ATP8A2: variants seen among roughly 807,000 people sequenced by gnomAD.
ATP8A2 encodes ATPase phospholipid transporting 8A2, also known as phospholipid-transporting ATPase IB.
Under a neutral mutation model 165.6 loss-of-function variants are expected in ATP8A2, and 100 were observed. That is an observed-to-expected ratio of 0.60 (90% CI 0.51 to 0.71). The LOEUF (loss-of-function observed/expected upper bound fraction) is 0.71, where lower values mean the gene tolerates loss of function less well. Among genes scored for constraint, ATP8A2 ranks in the 30% least tolerant of loss-of-function variants. ATP8A2 has a pLI of 0.00. For synonymous variants in ATP8A2, 543 were observed against 548.8 expected (o/e 0.99, Z 0.15); for missense variants, 1,227 against 1,479.5 (o/e 0.83, Z 2.80).
intron 35 of ATP8A2, among the ~76,000 whole-genome samples, chr13:25,991,248 C>T (rs889263268): frequency 2.6e-5 from 4 of 152,210 alleles, no homozygotes; most frequent in Non-Finnish European, 4.4e-5. Flanking sequence ...AAGAGACAGA[C>T]TGACTTTTTT....
intron 1 of ATP8A2, among the ~76,000 whole-genome samples, chr13:25,408,723 ATAGT>A (rs2033882083): frequency 6.6e-6 from 1 of 152,192 alleles, no homozygotes; most frequent in Non-Finnish European, 1.5e-5. Flanking sequence ...AAGACTGTTT[ATAGT>A]TAGAGACTCC....
intron 1 of ATP8A2, among the ~76,000 whole-genome samples, chr13:25,419,840 A>G (rs1333298063): frequency 2.0e-5 from 3 of 152,218 alleles, no homozygotes; most frequent in Non-Finnish European, 1.5e-5. Context: ...TCATTACTCT[A>G]GGTGGTCAGG....
At chr13:25,444,163 A>T (rs1014711394) in intron 1 of ATP8A2, among the ~76,000 whole-genome samples, 1 of 152,146 alleles carries the variant, frequency 6.6e-6, no homozygotes, top group African/African-American at 2.4e-5. Flanking sequence ...TTGCCTTTGA[A>T]TGTCATATAA....
At chr13:25,602,509 A>G (rs758601757) in intron 24 of ATP8A2, among the ~76,000 whole-genome samples, 2 of 152,186 alleles carry the variant, frequency 1.3e-5, no homozygotes. Context: ...TTTTACTCCC[A>G]AAGTGCCTTG....
chr13:25,414,490 C>A (rs1451472704), intron 1 of ATP8A2, among the ~76,000 whole-genome samples: 1 of 152,172 alleles, frequency 6.6e-6, no homozygotes, highest in African/African-American at 2.4e-5. Flanking sequence ...CCGTGCCCAG[C>A]TGGGCTGTGT....
intron 27 of ATP8A2, among the ~76,000 whole-genome samples, chr13:25,795,220 G>C (rs1373093043): frequency 6.6e-6 from 1 of 152,096 alleles, no homozygotes; most frequent in Non-Finnish European, 1.5e-5. Flanking sequence ...AAATGTGCTG[G>C]GGCAGGGAGG....
At chr13:25,407,394 G>A (rs2033835783) in intron 1 of ATP8A2, among the ~76,000 whole-genome samples, 1 of 152,172 alleles carries the variant, frequency 6.6e-6, no homozygotes, top group South Asian at 2.1e-4. Context: ...AGACAAGGAA[G>A]CAATTTTAAA....
rs369292801 is a variant in ATP8A2, at chr13:25,435,934, T to TGA, written c.77-33042_77-33041insAG. ...CATCGTGTGTGTGTGTGTGTGTGAG[T>TGA]GTGTGTGTGTGTGTGTGAGTGTGTG... On this transcript the variant is annotated intron_variant, in intron 1 of 36. Transcript: ENST00000381655. Among the ~76,000 whole-genome samples the TGA allele has an allele frequency of 7.5e-3, 136 of 18,226 alleles. 1 individual carries two copies. The highest frequency in any genetic ancestry group is 0.01 in the African/African-American group (124 of 12,364). 12.0% of individuals were successfully genotyped at this position (18,226 alleles called of 152,430 possible).
chr13:25,470,746 A>G (rs962241264), intron 2 of ATP8A2, among the ~76,000 whole-genome samples: 2 of 152,236 alleles, frequency 1.3e-5, no homozygotes, highest in African/African-American at 4.8e-5. Context: ...AAATAAGATG[A>G]AGTATATCCA....
intron 26 of ATP8A2, among the ~76,000 whole-genome samples, chr13:25,774,066 C>T (rs2044685682): frequency 1.3e-5 from 2 of 152,178 alleles, no homozygotes; most frequent in Admixed American, 6.5e-5. Flanking sequence ...CTGACTTCCA[C>T]TGTACTTTTC....
intron 1 of ATP8A2, among the ~76,000 whole-genome samples, chr13:25,412,743 C>T (rs2034006014): frequency 6.6e-6 from 1 of 152,182 alleles, no homozygotes; most frequent in Non-Finnish European, 1.5e-5. Flanking sequence ...CAACTGGTCA[C>T]CCACCAGCCT....
chr13:25,791,859 A>G (rs1169449486), intron 27 of ATP8A2, among the ~76,000 whole-genome samples: 1 of 152,146 alleles, frequency 6.6e-6, no homozygotes, highest in African/African-American at 2.4e-5. Context: ...TGCTGAGTAT[A>G]TTTTCAATCT....
intron 25 of ATP8A2, among the ~76,000 whole-genome samples, chr13:25,700,104 G>A (rs2042920285): frequency 6.6e-6 from 1 of 152,142 alleles, no homozygotes; most frequent in Non-Finnish European, 1.5e-5. Context: ...AAATTCAAAT[G>A]TGTTTGAAAC....
chr13:25,497,403 A>T (rs771280819), intron 2 of ATP8A2, among the ~76,000 whole-genome samples: 1 of 152,232 alleles, frequency 6.6e-6, no homozygotes, highest in Non-Finnish European at 1.5e-5. Context: ...GGAAATCAAA[A>T]GTTTAATAGC....
At chr13:25,601,455 GTTTGT>G (rs139480950) in intron 24 of ATP8A2, among the ~76,000 whole-genome samples, 5,530 of 152,228 alleles carry the variant, frequency 0.036, 329 homozygotes, top group African/African-American at 0.13. Flanking sequence ...TAATTAAATT[GTTTGT>G]TTTGTTTTGT....
Position 25,783,689 on chromosome 13 carries a change from G to A in ATP8A2, c.2679+8730G>A, listed in dbSNP as rs376120769. Among the ~76,000 whole-genome samples, 125 of 152,276 alleles carry A rather than the reference G, an allele frequency of 8.2e-4. 1 individual carries two copies. The highest frequency in any genetic ancestry group is 3.1e-3 in the South Asian group (15 of 4,824). ...CAGCTGATCAGGTGAAGGGGTGGGA[G>A]GAGAGGGTCAGGGAATGTGCCAAAG... is the stretch of plus-strand genomic sequence containing the variant. On this transcript the variant is annotated intron_variant, in intron 27 of 36. Transcript: ENST00000381655.
At chr13:25,609,788 T>C (rs575613335) in intron 24 of ATP8A2, among the ~76,000 whole-genome samples, 11 of 149,964 alleles carry the variant, frequency 7.3e-5, no homozygotes, top group African/African-American at 2.7e-4. Context: ...AACACCTATT[T>C]TTTTTTTTTT....
intron 24 of ATP8A2, among the ~76,000 whole-genome samples, chr13:25,600,906 C>G (rs916990526): frequency 6.6e-6 from 1 of 152,172 alleles, no homozygotes; most frequent in African/African-American, 2.4e-5. Context: ...AGGAAGTAGG[C>G]ATCAGGAGGA....
rs532382594 is a variant in ATP8A2, at chr13:25,866,329, G to A, written c.3183+3921G>A. ...AATGCCACCCAACCTAATTACTTTA[G>A]AGAATTGTGATGAAGATATAATAGG... On this transcript the variant is annotated intron_variant, in intron 33 of 36. Coordinates refer to ENST00000381655, the MANE Select transcript of ATP8A2 (RefSeq NM_016529.6). Among the ~76,000 whole-genome samples, 4 of 152,254 alleles carry A rather than the reference G, an allele frequency of 2.6e-5. No individual in the cohort carries two copies. The South Asian group carries it at 8.3e-4, about 32-fold the overall frequency.
Sources: gnomAD v4.1 joint callset for allele counts (sites outside exome capture counted in the v4.1 genomes callset) on GRCh38, gnomAD v4.1.1 for gene constraint, MANE v1.5 for transcripts, NCBI Gene and HGNC (gene_info 2026-07-23, HGNC 2026-07-21) for gene names.